KALRN: variants seen among roughly 807,000 people sequenced by gnomAD.
KALRN encodes kalirin RhoGEF kinase.
KALRN carries 70 observed loss-of-function variants against 353.7 expected under a neutral mutation model. That is an observed-to-expected ratio of 0.20 (90% CI 0.16 to 0.24). KALRN has a LOEUF of 0.24. Among genes scored for constraint, KALRN ranks in the 10% least tolerant of loss-of-function variants. The probability of loss-of-function intolerance (pLI) is 1.00; values close to 1 mark genes in which losing one functional copy is unlikely to be tolerated. For missense variants in KALRN, 2,791 were observed against 3,756.7 expected (o/e 0.74, Z 6.72); for synonymous variants, 1,391 against 1,434.8 (o/e 0.97, Z 0.69).
chr3:124,379,782 T>C (rs781736685), intron 10 of KALRN, among the ~76,000 whole-genome samples: 15 of 152,204 alleles, frequency 9.9e-5, no homozygotes, highest in Non-Finnish European at 1.9e-4. Context: ...TCTTTGCAGG[T>C]CTGCCCCAGA....
intron 1 of KALRN, among the ~76,000 whole-genome samples, chr3:124,103,260 G>A (rs548640354): frequency 2.0e-5 from 3 of 152,302 alleles, no homozygotes; most frequent in Non-Finnish European, 4.4e-5. Flanking sequence ...TAGCTGCTTT[G>A]TGAGGTCCCG....
At chr3:124,389,074 T>A (rs1221413115) in intron 11 of KALRN, among the ~76,000 whole-genome samples, 1 of 152,206 alleles carries the variant, frequency 6.6e-6, no homozygotes, top group Non-Finnish European at 1.5e-5. Context: ...TAAAGTGGCC[T>A]TCGGTACTGC....
At chr3:124,572,468 A>C (rs1317555871) in intron 34 of KALRN, among the ~76,000 whole-genome samples, 1 of 152,050 alleles carries the variant, frequency 6.6e-6, no homozygotes, top group Non-Finnish European at 1.5e-5. Flanking sequence ...AACGGAACAG[A>C]ATTTAGTTCT....
At chr3:124,321,933 G>C (rs1240444369) in intron 6 of KALRN, among the ~76,000 whole-genome samples, 5 of 152,168 alleles carry the variant, frequency 3.3e-5, no homozygotes, top group African/African-American at 1.2e-4. Flanking sequence ...TGCATATATA[G>C]GGGGGTTTAA....
At chr3:124,058,741 C>CAA (rs1247886297) in intron 1 of KALRN, among the ~76,000 whole-genome samples, 7 of 152,204 alleles carry the variant, frequency 4.6e-5, no homozygotes, top group African/African-American at 1.7e-4. Flanking sequence ...TCTGTCTTTT[C>CAA]ACCCTTCACT....
chr3:124,261,059 TTG>T (rs1553879903), intron 3 of KALRN, among the ~76,000 whole-genome samples: 1 of 151,370 alleles, frequency 6.6e-6, no homozygotes, highest in African/African-American at 2.4e-5. Flanking sequence ...TTTTTTTTTT[TTG>T]TATTTTTGAG....
chr3:124,692,314 G>T (rs1436364569), intron 51 of KALRN, among the ~76,000 whole-genome samples: 1 of 152,256 alleles, frequency 6.6e-6, no homozygotes, highest in Non-Finnish European at 1.5e-5. Context: ...GGCTTCACAA[G>T]GGTTTTCTGC....
At position 124,363,114 on chromosome 3, in the gene KALRN, A is replaced by T. The variant is rs558786239; in HGVS notation, c.1770+15849A>T. 2.0e-4 allele frequency among the ~76,000 whole-genome samples: 31 copies of T among 152,266 alleles called. 1 individual carries two copies. In the South Asian group the frequency reaches 2.7e-3, roughly 13 times the overall value. On this transcript the variant is annotated intron_variant, in intron 10 of 59. Transcript: ENST00000682506. The stretch of plus-strand genomic sequence containing the variant: ...ACAACTATTATATAAAATAAATTTT[A>T]AAAAAATTATAGTATAAAGTTTGGG...
At chr3:124,141,266 A>G (rs1040316469) in intron 1 of KALRN, among the ~76,000 whole-genome samples, 7 of 152,312 alleles carry the variant, frequency 4.6e-5, no homozygotes, top group African/African-American at 1.7e-4. Flanking sequence ...CCTCACTGGA[A>G]CAGCTGATGG....
At chr3:124,241,871 G>A (rs887525581) in intron 3 of KALRN, among the ~76,000 whole-genome samples, 3 of 152,224 alleles carry the variant, frequency 2.0e-5, no homozygotes, top group South Asian at 2.1e-4. Context: ...CTAAAAGCAC[G>A]AAGGGGTAGG....
Position 124,153,676 on chromosome 3 carries a change from C to T in KALRN, c.74-74314C>T, listed in dbSNP as rs1444254602. The stretch of plus-strand genomic sequence containing the variant: ...TCAAATGGTATTTCTAGTTCTAGAT[C>T]CCTGAGGAATCGCCACACTGACTTC... On this transcript the variant is annotated intron_variant, in intron 1 of 59. Coordinates refer to ENST00000682506, the MANE Select transcript of KALRN (RefSeq NM_001388419.1). Among the ~76,000 whole-genome samples, 4 of 151,490 alleles carry T rather than the reference C, an allele frequency of 2.6e-5. No homozygotes were observed. In the East Asian group the frequency reaches 7.8e-4, roughly 29 times the overall value.
intron 1 of KALRN, among the ~76,000 whole-genome samples, chr3:124,186,993 C>T (rs1444682850): frequency 1.3e-5 from 2 of 152,188 alleles, no homozygotes; most frequent in African/African-American, 4.8e-5. Flanking sequence ...GGCAGCATTG[C>T]TCAGAGCTCA....
intron 10 of KALRN, among the ~76,000 whole-genome samples, chr3:124,368,125 T>C: frequency 1.5e-5 from 1 of 65,536 alleles, no homozygotes; most frequent in Admixed American, 1.5e-4. Context: ...ACGGGGCAGC[T>C]GGCCAGGCGG....
chr3:124,189,516 T>C (rs1311479548), intron 1 of KALRN, among the ~76,000 whole-genome samples: 1 of 152,042 alleles, frequency 6.6e-6, no homozygotes, highest in East Asian at 1.9e-4. Context: ...AAAAGCAACA[T>C]AGAGGGCCAA....
intron 23 of KALRN, among the ~76,000 whole-genome samples, chr3:124,458,663 C>G (rs1223203347): frequency 6.6e-6 from 1 of 152,168 alleles, no homozygotes; most frequent in African/African-American, 2.4e-5. Flanking sequence ...AGGCAGGGCA[C>G]AGTGGCTCAT....
In KALRN at chr3:124,325,790, C is replaced by T. The variant is rs117194778; in HGVS notation, c.1093-190C>T. Among the ~76,000 whole-genome samples the T allele has an allele frequency of 2.0e-4, 31 of 152,336 alleles. No individual in the cohort carries two copies. In the East Asian group the frequency reaches 6.0e-3, roughly 29 times the overall value. On this transcript the variant is annotated intron_variant, in intron 6 of 59. Coordinates refer to ENST00000682506, the MANE Select transcript of KALRN (RefSeq NM_001388419.1). ...GGTTCCCCACAATGAAAGTTCCCTG[C>T]TATCTACTGAAATTGAATTGTAGAA...
chr3:124,106,534 G>T (rs559739219), intron 1 of KALRN, among the ~76,000 whole-genome samples: 1 of 152,268 alleles, frequency 6.6e-6, no homozygotes, highest in African/African-American at 2.4e-5. Flanking sequence ...ACCTCCAAGG[G>T]CCAGCTCAGA....
At chr3:124,431,340 G>C (rs2093267360) in intron 16 of KALRN, among the ~76,000 whole-genome samples, 1 of 152,182 alleles carries the variant, frequency 6.6e-6, no homozygotes, top group South Asian at 2.1e-4. Flanking sequence ...AGTATTTAAA[G>C]AATAAACTGC....
chr3:124,276,547 C>T (rs2074743952), intron 5 of KALRN, among the ~76,000 whole-genome samples: 2 of 152,214 alleles, frequency 1.3e-5, no homozygotes, highest in Admixed American at 6.5e-5. Context: ...TTCTCTTCCC[C>T]ACACCTCCAA....
Sources: allele counts gnomAD v4.1 joint callset (sites outside exome capture counted in the v4.1 genomes callset), GRCh38; gene constraint gnomAD v4.1.1; transcripts MANE v1.5; gene names NCBI Gene and HGNC (gene_info 2026-07-23, HGNC 2026-07-21).